TTLL5: variants seen among roughly 807,000 people sequenced by gnomAD.
The protein encoded by TTLL5 is tubulin polyglutamylase TTLL5.
A neutral mutation model predicts 168.4 loss-of-function variants in TTLL5; 132 were observed. The ratio of observed to expected loss-of-function variants is 0.78; its 90% CI spans 0.68 to 0.91. The LOEUF is 0.91. Ranked by LOEUF, TTLL5 falls within the 40% of genes least tolerant of loss-of-function variation. The pLI is 0.00. For missense variants in TTLL5, 1,545 were observed against 1,581.5 expected (o/e 0.98, Z 0.39); for synonymous variants, 546 against 558.6 (o/e 0.98, Z 0.32).
chr14:75,950,731 GC>G (rs577410741), intron 31 of TTLL5, among the ~76,000 whole-genome samples: 1,902 of 152,262 alleles, frequency 0.012, 20 homozygotes, highest in Non-Finnish European at 0.019. Context: ...ACTTTGGGTG[GC>G]CAAGGAGGGA....
At position 75,833,956 on chromosome 14, in the gene TTLL5, T is replaced by C. The variant is rs571212525; in HGVS notation, c.3326+13795T>C. On this transcript the variant is annotated intron_variant, in intron 28 of 31. Transcript: ENST00000298832. ...GCTATTATCCCAGATAGAGGCATGT[T>C]CATTTATTCATTCATTTTTCATTCA... 3.9e-5 allele frequency among the ~76,000 whole-genome samples: 6 copies of C among 152,376 alleles called. No individual in the cohort carries two copies. In the East Asian group the frequency reaches 9.6e-4, roughly 24 times the overall value.
At chr14:75,806,046 T>G (rs1595070914) in intron 27 of TTLL5, among the ~76,000 whole-genome samples, 1 of 151,546 alleles carries the variant, frequency 6.6e-6, no homozygotes, top group Non-Finnish European at 1.5e-5. Context: ...TTTTTTTTTT[T>G]GAGATGCAGT....
intron 15 of TTLL5, chr14:75,737,443 T>C: frequency 1.1e-6 from 1 of 888,082 alleles, no homozygotes; most frequent in Non-Finnish European, 1.7e-6. Flanking sequence ...AGTGTAGGGC[T>C]CTTGCTTTTG....
intron 24 of TTLL5, among the ~76,000 whole-genome samples, chr14:75,781,122 T>C (rs1421849952): frequency 6.6e-6 from 1 of 152,152 alleles, no homozygotes; most frequent in Non-Finnish European, 1.5e-5. Context: ...GGTAGGGGCC[T>C]AGATGGACAT....
At chr14:75,829,113 TC>T (rs1388181624) in intron 28 of TTLL5, among the ~76,000 whole-genome samples, 1 of 152,178 alleles carries the variant, frequency 6.6e-6, no homozygotes, top group African/African-American at 2.4e-5. Flanking sequence ...TGGTGAGAGT[TC>T]CGAGGAGAAA....
intron 27 of TTLL5, among the ~76,000 whole-genome samples, chr14:75,795,379 A>G (rs1892945350): frequency 6.6e-6 from 1 of 152,190 alleles, no homozygotes; most frequent in Non-Finnish European, 1.5e-5. Flanking sequence ...TAGTTTTTCA[A>G]AAATTATTGT....
chr14:75,747,224 C>T (rs1889672041), intron 17 of TTLL5, among the ~76,000 whole-genome samples: 1 of 152,136 alleles, frequency 6.6e-6, no homozygotes, highest in East Asian at 1.9e-4. Flanking sequence ...TAATTCTACC[C>T]AGTGAAATTT....
intron 31 of TTLL5, among the ~76,000 whole-genome samples, chr14:75,950,639 A>T (rs999821960): frequency 6.6e-6 from 1 of 152,180 alleles, no homozygotes; most frequent in Non-Finnish European, 1.5e-5. Flanking sequence ...ATACTGTTTT[A>T]TTTTTTATGT....
intron 13 of TTLL5, 57 bp downstream of exon 13, chr14:75,732,476 T>A (rs1594941213): frequency 1.6e-5 from 2 of 123,034 alleles, no homozygotes; most frequent in African/African-American, 2.8e-5. Context: ...CTTAAAGCAC[T>A]TTTTTTTTTT....
At chr14:75,724,125 C>T (rs1335187862) in intron 12 of TTLL5, among the ~76,000 whole-genome samples, 1 of 151,870 alleles carries the variant, frequency 6.6e-6, no homozygotes, top group East Asian at 1.9e-4. Context: ...ACAGACCAGA[C>T]ATGGGGTTCG....
rs200777469 is a variant in TTLL5 at position 75,764,749 on chromosome 14, G to A, written c.1685G>A (p.Arg562Lys). 183 of 1,614,096 alleles carry A rather than the reference G, an allele frequency of 1.1e-4. 2 individuals are homozygous for A. In the East Asian group the frequency reaches 4.0e-3, roughly 35 times the overall value. Residue 562 changes from arginine (R) to lysine (K), a missense_variant, in exon 19 of 32, where the codon AGG (arginine) becomes AAG (lysine). Physicochemically the swap from Arg to Lys is conservative, Grantham distance 26. Coordinates refer to ENST00000298832, the MANE Select transcript of TTLL5 (RefSeq NM_015072.5). ...RKRRRRSSRL[R>K]AMRPKYPVIT... Reference sequence around the variant, plus strand: ...CGTAGACGACGGAGTAGCAGATTGAGGGCAATGAGGCCAAAATACCCAGGT... The same window carrying A: ...CGTAGACGACGGAGTAGCAGATTGAAGGCAATGAGGCCAAAATACCCAGGT...
At position 75,826,440 on chromosome 14, in the gene TTLL5, C is replaced by T. The variant is rs147894358; in HGVS notation, c.3326+6279C>T. ...TTAAATTATGTGTGTGTTTTTTTAA[C>T]TACAACGTTAAAAAAAAAAGAGTAT... On this transcript the variant is annotated intron_variant, in intron 28 of 31. Transcript: ENST00000298832. 6.4e-3 allele frequency among the ~76,000 whole-genome samples: 963 copies of T among 150,570 alleles called. 13 individuals are homozygous for T. Among genetic ancestry groups the T allele is most frequent in the African/African-American group, 0.02 (829 of 40,920 alleles).
intron 21 of TTLL5, among the ~76,000 whole-genome samples, chr14:75,773,927 T>TATATATATATATAGAG (rs1354936334): frequency 4.7e-5 from 1 of 21,130 alleles, no homozygotes; most frequent in African/African-American, 1.5e-4. Flanking sequence ...TATATATATA[T>TATATATATATATAGAG]AGAGAGAGAG....
Position 75,782,783 on chromosome 14 carries a change from C to G in TTLL5, c.2602+210C>G, listed in dbSNP as rs1199920106. ...TTTCGTTTTCTTAAGTTTAGAAATT[C>G]TAAGTGCATTCTTTGTTCCTAGAAG... On this transcript the variant is annotated intron_variant, in intron 25 of 31. Coordinates refer to ENST00000298832, the MANE Select transcript of TTLL5 (RefSeq NM_015072.5). 2.6e-5 allele frequency among the ~76,000 whole-genome samples: 4 copies of G among 152,050 alleles called. No homozygotes were observed. The East Asian group carries it at 7.7e-4, about 29-fold the overall frequency.
chr14:75,757,325 G>A (rs960739949), intron 18 of TTLL5, among the ~76,000 whole-genome samples: 1 of 152,062 alleles, frequency 6.6e-6, no homozygotes, highest in Non-Finnish European at 1.5e-5. Flanking sequence ...TTTCTGATGA[G>A]CATCCCTTTT....
intron 7 of TTLL5, 139 bp from the exon 8 acceptor site, chr14:75,706,879 G>T: frequency 1.7e-6 from 1 of 604,472 alleles, no homozygotes. Context: ...TGAATATATG[G>T]GTACCTTGGA....
intron 18 of TTLL5, among the ~76,000 whole-genome samples, chr14:75,764,115 A>G (rs1246609582): frequency 6.6e-6 from 1 of 152,148 alleles, no homozygotes; most frequent in African/African-American, 2.4e-5. Flanking sequence ...TCACGTATTC[A>G]CAGATCATCA....
Position 75,699,274 on chromosome 14 carries a change from A to G in TTLL5, c.585+4A>G. On this transcript the variant is annotated splice_donor_region_variant and intron_variant, in intron 7 of 31. Transcript: ENST00000298832. ...GGGCGTCTACCTGATCAACAATGTAAGTATGCAGCAGATGGCAAACCTCTC... is the reference window on the plus strand; with the variant it reads ...GGGCGTCTACCTGATCAACAATGTAGGTATGCAGCAGATGGCAAACCTCTC... 6.2e-7 allele frequency: 1 copy of G among 1,613,248 alleles called. No homozygotes were observed. The highest frequency in any genetic ancestry group is 2.2e-5 in the East Asian group (1 of 44,858).
At chr14:75,730,484 A>G (rs1260991480) in intron 12 of TTLL5, among the ~76,000 whole-genome samples, 1 of 152,168 alleles carries the variant, frequency 6.6e-6, no homozygotes, top group Non-Finnish European at 1.5e-5. Context: ...TGATTTTTGC[A>G]AATTAAATGG....
Sources: allele counts gnomAD v4.1 joint callset (sites outside exome capture counted in the v4.1 genomes callset), GRCh38; gene constraint gnomAD v4.1.1; transcripts MANE v1.5; gene names NCBI Gene and HGNC (gene_info 2026-07-23, HGNC 2026-07-21).